The following MAP3K5 variants were observed in gnomAD, a reference collection of about 807,000 sequenced individuals.
MAP3K5 encodes the protein ASK-1.
MAP3K5 carries 56 observed loss-of-function variants against 158.7 expected under a neutral mutation model. The observed-to-expected ratio is 0.35, with a 90% CI of 0.28 to 0.44. MAP3K5 has a LOEUF of 0.44. MAP3K5 is among the 20% of genes least tolerant of loss of function. The pLI is 1.00. For missense variants in MAP3K5, 1,294 were observed against 1,674.8 expected (o/e 0.77, Z 3.97); for synonymous variants, 579 against 601.7 (o/e 0.96, Z 0.55).
rs531685484 is a variant in MAP3K5 at position 136,676,949 on chromosome 6, G to A, written c.1254-7554C>T. ...TGGGATTACAGGTGCACGCCACCAC[G>A]CCCAGCTAATTTTTGTATTTTTAGT... On this transcript the variant is annotated intron_variant, in intron 7 of 29. Coordinates refer to ENST00000359015, the MANE Select transcript of MAP3K5 (RefSeq NM_005923.4). Among the ~76,000 whole-genome samples, 106 of 150,698 alleles carry A rather than the reference G, an allele frequency of 7.0e-4. 1 individual carries two copies. The highest frequency in any genetic ancestry group is 2.5e-3 in the African/African-American group (101 of 41,100).
At position 136,760,978 on chromosome 6, in the gene MAP3K5, C is replaced by T. The variant is rs569280243; in HGVS notation, c.448+30732G>A. 6.4e-4 allele frequency among the ~76,000 whole-genome samples: 97 copies of T among 152,096 alleles called. 1 individual carries two copies. The highest frequency in any genetic ancestry group is 2.2e-3 in the Admixed American group (33 of 15,264). ...AGCAAGACTCTGTCTCAAAACAAAA[C>T]GAAACAAAACAAAAAACCAGAGAGA... is the stretch of plus-strand genomic sequence containing the variant. On this transcript the variant is annotated intron_variant, in intron 1 of 29. Coordinates refer to ENST00000359015, the MANE Select transcript of MAP3K5 (RefSeq NM_005923.4).
intron 2 of MAP3K5, among the ~76,000 whole-genome samples, chr6:136,714,667 G>T (rs1781447382): frequency 6.6e-6 from 1 of 151,994 alleles, no homozygotes; most frequent in Non-Finnish European, 1.5e-5. Flanking sequence ...CATGAACATG[G>T]GTATATAAAC....
At chr6:136,675,254 A>C (rs968814437) in intron 7 of MAP3K5, among the ~76,000 whole-genome samples, 2 of 152,088 alleles carry the variant, frequency 1.3e-5, no homozygotes, top group Admixed American at 6.6e-5. Context: ...AGAGATCTTA[A>C]AACACTTTCT....
chr6:136,579,809 T>TA (rs201558467), intron 25 of MAP3K5: 8,510 of 451,406 alleles, frequency 0.019, 162 homozygotes, highest in East Asian at 0.076. Flanking sequence ...GACTAGTCTT[T>TA]AAAAAAAAAT....
chr6:136,708,821 T>A (rs1218943542), intron 2 of MAP3K5, among the ~76,000 whole-genome samples: 1 of 152,192 alleles, frequency 6.6e-6, no homozygotes, highest in Non-Finnish European at 1.5e-5. Flanking sequence ...GCAGAATTTT[T>A]CAAACTTGAT....
At position 136,611,358 on chromosome 6, in the gene MAP3K5, A is replaced by G; in HGVS notation, c.2445T>C (p.Ser815=). 1 of 1,611,412 alleles carries G rather than the reference A, an allele frequency of 6.2e-7. No homozygotes were observed. The highest frequency in any genetic ancestry group is 8.5e-7 in the Non-Finnish European group (1 of 1,177,730). ...KGDNVLINTY[S]GVLKISDFGT... ...CGAAGTCAGAGATCTTGAGAACACC[A>G]CTGTAGGTATTAATCAACACATTGT... The change falls in exon 18 of 30, where the codon AGT becomes AGC. Residue 815 remains serine, a synonymous_variant. Coordinates refer to ENST00000359015, the MANE Select transcript of MAP3K5 (RefSeq NM_005923.4).
intron 25 of MAP3K5, among the ~76,000 whole-genome samples, chr6:136,569,154 G>C (rs547832095): frequency 6.6e-6 from 1 of 152,214 alleles, no homozygotes; most frequent in South Asian, 2.1e-4. Flanking sequence ...CTCTAGTATA[G>C]CATCCCATGA....
intron 11 of MAP3K5, among the ~76,000 whole-genome samples, chr6:136,644,516 A>G (rs978546831): frequency 1.2e-4 from 19 of 152,232 alleles, no homozygotes; most frequent in Non-Finnish European, 2.6e-4. Flanking sequence ...GGTTAGCCTC[A>G]GATCCCAGGC....
intron 7 of MAP3K5, among the ~76,000 whole-genome samples, chr6:136,691,744 A>T (rs1780396977): frequency 6.6e-6 from 1 of 151,664 alleles, no homozygotes; most frequent in Non-Finnish European, 1.5e-5. Flanking sequence ...TTGCTCTTTT[A>T]TCGTATTGTG....
chr6:136,791,954 CG>C lies in MAP3K5; in HGVS notation c.203del (p.Pro68ArgfsTer29), dbSNP rs779108672. 1 of 1,610,850 alleles carries C rather than the reference CG, an allele frequency of 6.2e-7. No individual in the cohort carries two copies. Among genetic ancestry groups the C allele is most frequent in the Non-Finnish European group, 8.5e-7 (1 of 1,178,938 alleles). On this transcript the variant is annotated frameshift_variant, in exon 1 of 30. Transcript: ENST00000359015. LOFTEE classifies it high-confidence loss of function. ...ESAAAPGIGCPAATSSSSATR... is the reference protein window; with the variant it reads ...ESAAAPGIGCXAATSSSSATR... ...TGGCACTGCTCGAGGAGGTGGCCGC[CG>C]GACAACCGATGCCAGGGGCAGCGGC... is the stretch of plus-strand genomic sequence containing the variant.
At chr6:136,656,116 C>A in intron 10 of MAP3K5, 191 bp downstream of exon 10, 1 of 553,334 alleles carries the variant, frequency 1.8e-6, no homozygotes, top group Non-Finnish European at 3.2e-6. Context: ...AAATAGATCT[C>A]ATTTCTCTGA....
At chr6:136,764,798 G>T (rs140610478) in intron 1 of MAP3K5, among the ~76,000 whole-genome samples, 64 of 152,210 alleles carry the variant, frequency 4.2e-4, no homozygotes, top group Non-Finnish European at 7.4e-4. Context: ...ACTATGCTAA[G>T]ACATCAGCTT....
At chr6:136,618,908 A>G (rs998862984) in intron 15 of MAP3K5, among the ~76,000 whole-genome samples, 1 of 152,210 alleles carries the variant, frequency 6.6e-6, no homozygotes, top group African/African-American at 2.4e-5. Context: ...CCCTCTTTCT[A>G]TGATTTTGTT....
chr6:136,631,539 G>C (rs1185703191), intron 14 of MAP3K5, among the ~76,000 whole-genome samples: 3 of 150,186 alleles, frequency 2.0e-5, no homozygotes, highest in African/African-American at 7.4e-5. Flanking sequence ...TTTAGACAGG[G>C]TCTGGCTCTG....
chr6:136,588,129 C>T (rs966936118), intron 23 of MAP3K5, among the ~76,000 whole-genome samples: 2 of 152,186 alleles, frequency 1.3e-5, no homozygotes, highest in African/African-American at 4.8e-5. Context: ...GAGAGGCCTT[C>T]ACTCTGCAGT....
chr6:136,709,301 G>C (rs1263763366), intron 2 of MAP3K5, among the ~76,000 whole-genome samples: 2 of 152,156 alleles, frequency 1.3e-5, no homozygotes, highest in Non-Finnish European at 2.9e-5. Flanking sequence ...ATTAGGGGTA[G>C]ATATATGTAA....
intron 1 of MAP3K5, among the ~76,000 whole-genome samples, chr6:136,729,921 G>A (rs1434985460): frequency 4.6e-5 from 7 of 152,190 alleles, no homozygotes; most frequent in Admixed American, 2.6e-4. Context: ...TGCTTTGAAC[G>A]TCATAATTAA....
intron 15 of MAP3K5, among the ~76,000 whole-genome samples, chr6:136,618,888 A>G (rs1252844902): frequency 2.0e-5 from 3 of 152,260 alleles, no homozygotes; most frequent in Non-Finnish European, 2.9e-5. Flanking sequence ...CTTACCTAGT[A>G]TCTATTCTTC....
At chr6:136,632,795 GGAA>G (rs1326937752) in intron 14 of MAP3K5, among the ~76,000 whole-genome samples, 9 of 152,090 alleles carry the variant, frequency 5.9e-5, no homozygotes, top group Non-Finnish European at 8.8e-5. Context: ...ATGGAAGGCA[GGAA>G]GAAGAACAAT....
Sources: gnomAD v4.1 joint callset for allele counts (sites outside exome capture counted in the v4.1 genomes callset) on GRCh38, gnomAD v4.1.1 for gene constraint, MANE v1.5 for transcripts, NCBI Gene and HGNC (gene_info 2026-07-23, HGNC 2026-07-21) for gene names.